The following FTO variants were observed in gnomAD, a reference collection of about 807,000 sequenced individuals.
FTO encodes the protein FTO alpha-ketoglutarate dependent dioxygenase, also known as alpha-ketoglutarate-dependent dioxygenase FTO.
In FTO, 47 loss-of-function variants were observed where a neutral mutation model predicts 63.9. That is an observed-to-expected ratio of 0.74 (90% CI 0.58 to 0.94). The LOEUF is 0.94. FTO is among the 40% of genes least tolerant of loss of function. The pLI is 0.00. For synonymous variants in FTO, 207 were observed against 224.4 expected, an observed-to-expected ratio of 0.92 and a Z score of 0.69; for missense variants, 562 against 618.1, an observed-to-expected ratio of 0.91 and a Z score of 0.96.
At chr16:53,988,650 G>T (rs1300796913) in intron 8 of FTO, among the ~76,000 whole-genome samples, 2 of 152,142 alleles carry the variant, frequency 1.3e-5, no homozygotes, top group Admixed American at 1.3e-4. Flanking sequence ...CAGACTCATA[G>T]GTAGGTACTA....
intron 1 of FTO, among the ~76,000 whole-genome samples, chr16:53,735,116 C>T (rs2076361301): frequency 1.3e-5 from 2 of 152,200 alleles, no homozygotes; most frequent in Admixed American, 1.3e-4. Flanking sequence ...CTGCCATACT[C>T]AATTAATGTG....
chr16:53,736,863 T>A (rs2076400687), intron 1 of FTO, among the ~76,000 whole-genome samples: 1 of 152,200 alleles, frequency 6.6e-6, no homozygotes, highest in Non-Finnish European at 1.5e-5. Context: ...ATCTATTTGC[T>A]GTGTAGTTTG....
intron 1 of FTO, among the ~76,000 whole-genome samples, chr16:53,783,950 C>T (rs968811552): frequency 1.3e-5 from 2 of 152,146 alleles, no homozygotes; most frequent in Non-Finnish European, 2.9e-5. Context: ...CACCTCACCT[C>T]ACTGGCCTTA....
intron 8 of FTO, among the ~76,000 whole-genome samples, chr16:54,068,048 T>G (rs1302288602): frequency 1.3e-5 from 2 of 152,022 alleles, no homozygotes; most frequent in Non-Finnish European, 2.9e-5. Flanking sequence ...TGGACTATCT[T>G]CTAAATTTGT....
At chr16:54,057,927 G>A (rs1341946902) in intron 8 of FTO, among the ~76,000 whole-genome samples, 1 of 151,980 alleles carries the variant, frequency 6.6e-6, no homozygotes, top group Non-Finnish European at 1.5e-5. Flanking sequence ...AATCACAGTG[G>A]TAAGAACACA....
intron 8 of FTO, among the ~76,000 whole-genome samples, chr16:54,065,537 A>G (rs964279904): frequency 5.3e-5 from 8 of 152,112 alleles, no homozygotes; most frequent in African/African-American, 1.9e-4. Flanking sequence ...AGGACATCAG[A>G]TACTAGCATT....
chr16:54,017,615 C>T (rs1194335820), intron 8 of FTO, among the ~76,000 whole-genome samples: 1 of 152,140 alleles, frequency 6.6e-6, no homozygotes, highest in Non-Finnish European at 1.5e-5. Context: ...GGGCTTCTTT[C>T]GGTGATGGCA....
At chr16:53,785,975 G>A (rs1165395239) in intron 1 of FTO, among the ~76,000 whole-genome samples, 2 of 151,804 alleles carry the variant, frequency 1.3e-5, no homozygotes, top group African/African-American at 4.8e-5. Context: ...CGCAAAGTGG[G>A]AGCTCATTAA....
intron 1 of FTO, among the ~76,000 whole-genome samples, chr16:53,789,796 G>C (rs1304911403): frequency 6.7e-6 from 1 of 149,016 alleles, no homozygotes; most frequent in East Asian, 2.0e-4. Context: ...ATGTATGTAT[G>C]TATACATGTG....
chr16:53,741,611 G>A (rs2076529049), intron 1 of FTO, among the ~76,000 whole-genome samples: 1 of 152,094 alleles, frequency 6.6e-6, no homozygotes, highest in African/African-American at 2.4e-5. Context: ...CCTAGGTAGT[G>A]GTCAAGCTGC....
At chr16:53,797,663 A>G (rs1373676093) in intron 1 of FTO, among the ~76,000 whole-genome samples, 1 of 152,010 alleles carries the variant, frequency 6.6e-6, no homozygotes, top group Non-Finnish European at 1.5e-5. Context: ...TCATGTGCAG[A>G]TTTTTATGTA....
At chr16:53,715,249 A>G (rs1413402818) in intron 1 of FTO, among the ~76,000 whole-genome samples, 1 of 152,148 alleles carries the variant, frequency 6.6e-6, no homozygotes, top group Non-Finnish European at 1.5e-5. Flanking sequence ...TTTAAACAGA[A>G]CATCACCCAC....
chr16:53,739,493 T>C (rs7190782), intron 1 of FTO, among the ~76,000 whole-genome samples: 58,590 of 151,660 alleles, frequency 0.39, 12,220 homozygotes, highest in East Asian at 0.58. Context: ...GGATTACAGG[T>C]GTGAGCCACT....
intron 3 of FTO, among the ~76,000 whole-genome samples, chr16:53,841,922 G>A (rs527394393): frequency 5.3e-5 from 8 of 152,242 alleles, no homozygotes; most frequent in East Asian, 3.9e-4. Context: ...TAGTTCTGTC[G>A]TTGAACCTCT....
At chr16:53,996,681 T>C (rs1161740348) in intron 8 of FTO, among the ~76,000 whole-genome samples, 1 of 152,104 alleles carries the variant, frequency 6.6e-6, no homozygotes, top group Non-Finnish European at 1.5e-5. Flanking sequence ...TTTAATTGAC[T>C]CACAGTTCCA....
In FTO at chr16:53,795,699, C is replaced by T. The variant is rs140298390; in HGVS notation, c.46-14441C>T. Reference sequence around the variant, plus strand: ...ATATTGAGTAGTATCATCATGTTGACGTTGTAGAATTTAAGGGATATAGAG... The same window carrying T: ...ATATTGAGTAGTATCATCATGTTGATGTTGTAGAATTTAAGGGATATAGAG... On this transcript the variant is annotated intron_variant, in intron 1 of 8. Transcript: ENST00000471389. 2.2e-3 allele frequency among the ~76,000 whole-genome samples: 342 copies of T among 152,056 alleles called. 3 individuals are homozygous for T. Among genetic ancestry groups the T allele is most frequent in the African/African-American group, 7.9e-3 (327 of 41,460 alleles).
intron 3 of FTO, among the ~76,000 whole-genome samples, chr16:53,842,467 C>G (rs1174114580): frequency 6.6e-6 from 1 of 152,134 alleles, no homozygotes; most frequent in Non-Finnish European, 1.5e-5. Flanking sequence ...TGATTATAGG[C>G]AAATCATAGT....
At chr16:54,110,480 C>T (rs746267563) in intron 8 of FTO, among the ~76,000 whole-genome samples, 17 of 152,116 alleles carry the variant, frequency 1.1e-4, no homozygotes, top group African/African-American at 2.2e-4. Flanking sequence ...TAATGTACGA[C>T]GGATTGAGTG....
At chr16:54,002,153 A>G (rs2084083191) in intron 8 of FTO, among the ~76,000 whole-genome samples, 1 of 152,192 alleles carries the variant, frequency 6.6e-6, no homozygotes, top group Admixed American at 6.5e-5. Context: ...GCAAAGATAT[A>G]TGTTCCACTT....
Sources: allele counts gnomAD v4.1 joint callset (sites outside exome capture counted in the v4.1 genomes callset), GRCh38; gene constraint gnomAD v4.1.1; transcripts MANE v1.5; gene names NCBI Gene and HGNC (gene_info 2026-07-23, HGNC 2026-07-21).